Variants in TTC3 observed in about 807,000 individuals in gnomAD.
The protein encoded by TTC3 is E3 ubiquitin-protein ligase TTC3.
TTC3 carries 180 observed loss-of-function variants against 249.6 expected under a neutral mutation model. The ratio of observed to expected loss-of-function variants is 0.72; its 90% CI spans 0.64 to 0.82. The LOEUF is 0.82. TTC3 is among the 40% of genes least tolerant of loss of function. The pLI is 0.00. For missense variants in TTC3, 2,061 were observed against 2,398.4 expected (o/e 0.86, Z 2.94); for synonymous variants, 717 against 805.0 (o/e 0.89, Z 1.85).
chr21:37,078,736 T>G (rs1424864685), intron 1 of TTC3, among the ~76,000 whole-genome samples: 2 of 152,208 alleles, frequency 1.3e-5, no homozygotes, highest in African/African-American at 4.8e-5. Context: ...ATTATATCAT[T>G]TGCAAATAGT....
intron 45 of TTC3, among the ~76,000 whole-genome samples, chr21:37,200,651 AT>A (rs985510615): frequency 1.3e-5 from 2 of 152,122 alleles, no homozygotes; most frequent in African/African-American, 2.4e-5. Context: ...CAGTGAAACC[AT>A]TTTTTTGACT....
intron 24 of TTC3, among the ~76,000 whole-genome samples, chr21:37,150,513 T>C (rs771079521): frequency 3.3e-5 from 5 of 151,942 alleles, no homozygotes; most frequent in Non-Finnish European, 5.9e-5. Context: ...CTTGAGGGAT[T>C]ACCTTTAACT....
intron 1 of TTC3, 176 bp from the exon 2 acceptor site, chr21:37,087,071 A>G: frequency 1.6e-6 from 1 of 637,592 alleles, no homozygotes. Context: ...CTGGAGAGAG[A>G]GGAAAAGTCA....
At chr21:37,157,218 A>T (rs145341094) in intron 28 of TTC3, 14,648 of 1,323,268 alleles carry the variant, frequency 0.011, 132 homozygotes, top group East Asian at 0.026. Context: ...TCTATTAGTA[A>T]GTGGTTTGAT....
chr21:37,094,378 A>C (rs2073684618), intron 8 of TTC3, among the ~76,000 whole-genome samples: 2 of 152,202 alleles, frequency 1.3e-5, no homozygotes, highest in South Asian at 4.1e-4. Flanking sequence ...ATTCATAGGA[A>C]ATAGGACTTT....
chr21:37,128,930 A>G, intron 15 of TTC3, 73 bp from the exon 16 acceptor site: 1 of 1,181,170 alleles, frequency 8.5e-7, no homozygotes, highest in Non-Finnish European at 1.2e-6. Context: ...TTTATATTTT[A>G]AAAATAGTTT....
intron 25 of TTC3, among the ~76,000 whole-genome samples, chr21:37,151,122 A>G (rs371548306): frequency 1.3e-5 from 2 of 152,302 alleles, no homozygotes; most frequent in East Asian, 1.9e-4. Context: ...TTTACAATTA[A>G]AATTATAACA....
At chr21:37,166,135 T>C (rs781574369) in exon 33 of TTC3, 7 of 1,614,212 alleles carry the variant, frequency 4.3e-6, no homozygotes, top group Admixed American at 1.7e-5. Context: ...AACCAACTTA[T>C]TGGGCTCAAT....
At chr21:37,121,951 G>A (rs1298271391) in exon 12 of TTC3, 7 of 1,611,236 alleles carry the variant, frequency 4.3e-6, no homozygotes, top group Non-Finnish European at 5.9e-6. Context: ...AGCATGTAAA[G>A]TTACAAAAAC....
intron 1 of TTC3, 151 bp downstream of exon 1, chr21:37,073,624 A>G: frequency 6.8e-6 from 3 of 439,956 alleles, no homozygotes; most frequent in Non-Finnish European, 9.1e-6. Flanking sequence ...TTCGCGAGCG[A>G]GGCCCTGGGA....
At chr21:37,150,216 T>G in intron 24 of TTC3, 46 bp downstream of exon 24, 1 of 1,323,870 alleles carries the variant, frequency 7.6e-7, no homozygotes, top group Non-Finnish European at 1.1e-6. Context: ...ACCAAAATGT[T>G]TACACCTTTT....
At chr21:37,153,210 T>A in exon 27 of TTC3, 1 of 1,614,190 alleles carries the variant, frequency 6.2e-7, no homozygotes, top group Non-Finnish European at 8.5e-7. Flanking sequence ...TATTTCTGCA[T>A]GTTTTGAGTG....
chr21:37,159,872 T>TACCCA, intron 29 of TTC3, 127 bp downstream of exon 29: 1 of 763,088 alleles, frequency 1.3e-6, no homozygotes, highest in Non-Finnish European at 2.1e-6. Flanking sequence ...AAAGGACGTC[T>TACCCA]GGGTAGTACG....
chr21:37,106,454 TTC>T (rs753996719), intron 10 of TTC3, among the ~76,000 whole-genome samples: 4 of 152,356 alleles, frequency 2.6e-5, no homozygotes, highest in East Asian at 1.9e-4. Context: ...TCTTTTTGTG[TTC>T]TGTTTATCAT....
intron 20 of TTC3, among the ~76,000 whole-genome samples, chr21:37,142,157 G>A (rs1472513916): frequency 2.0e-5 from 3 of 152,228 alleles, no homozygotes; most frequent in Non-Finnish European, 2.9e-5. Flanking sequence ...CTGAATGGAC[G>A]AAAACTGGAA....
chr21:37,151,962 G>A (rs1156945340), exon 26 of TTC3: 1 of 1,607,658 alleles, frequency 6.2e-7, no homozygotes, highest in African/African-American at 1.3e-5. Context: ...AAGCAAAAAA[G>A]TTAGCACAAG....
At chr21:37,124,801 G>A (rs1446264292) in intron 14 of TTC3, 59 bp downstream of exon 14, 2 of 1,567,250 alleles carry the variant, frequency 1.3e-6, no homozygotes, top group Non-Finnish European at 1.7e-6. Flanking sequence ...TATTTTTACA[G>A]TAATATTTTG....
At chr21:37,185,634 C>T (rs2083175563) in intron 36 of TTC3, 72 bp from the exon 37 acceptor site, 2 of 736,322 alleles carry the variant, frequency 2.7e-6, no homozygotes, top group East Asian at 3.3e-5. Flanking sequence ...GATATGGGTG[C>T]AATTTACTGT....
Position 37,200,216 on chromosome 21 carries a change from G to C in TTC3, c.5851-16G>C. On this transcript the variant is annotated splice_polypyrimidine_tract_variant and intron_variant, in intron 44 of 45. Coordinates refer to ENST00000355666, the Ensembl canonical transcript of TTC3. Reference sequence around the variant, plus strand: ...TGTAGTTATTCTTTACTATTCAGGTGTGTTTGTTTCCACAGGCACTGGGTG... The same window carrying C: ...TGTAGTTATTCTTTACTATTCAGGTCTGTTTGTTTCCACAGGCACTGGGTG... The C allele has an allele frequency of 6.2e-7, 1 of 1,613,446 alleles. No homozygotes were observed. The highest frequency in any genetic ancestry group is 8.5e-7 in the Non-Finnish European group (1 of 1,179,592).
Sources: gnomAD v4.1 joint callset for allele counts (sites outside exome capture counted in the v4.1 genomes callset) on GRCh38, gnomAD v4.1.1 for gene constraint, MANE v1.5 for transcripts, NCBI Gene and HGNC (gene_info 2026-07-23, HGNC 2026-07-21) for gene names.